The following PRKG1 variants were observed in gnomAD, a reference collection of about 807,000 sequenced individuals.
The protein encoded by PRKG1 is protein kinase cGMP-dependent 1.
PRKG1 carries 35 observed loss-of-function variants against 88.1 expected under a neutral mutation model. The ratio of observed to expected loss-of-function variants is 0.40; its 90% CI spans 0.30 to 0.53. The LOEUF is 0.53. PRKG1 is among the 20% of genes least tolerant of loss of function. The pLI is 0.59. For synonymous variants in PRKG1, 303 were observed against 292.5 expected, an observed-to-expected ratio of 1.04 and a Z score of -0.37; for missense variants, 540 against 839.8, an observed-to-expected ratio of 0.64 and a Z score of 4.41.
chr10:51,561,985 G>T (rs554777375), intron 3 of PRKG1, among the ~76,000 whole-genome samples: 1 of 152,084 alleles, frequency 6.6e-6, no homozygotes, highest in Non-Finnish European at 1.5e-5. Context: ...CACTTTGGGA[G>T]GCCAAGGCAG....
intron 3 of PRKG1, among the ~76,000 whole-genome samples, chr10:51,507,988 T>A (rs1296299274): frequency 2.0e-5 from 3 of 152,176 alleles, no homozygotes; most frequent in Admixed American, 1.3e-4. Flanking sequence ...GAATTGTGAA[T>A]ATACTATTGA....
At chr10:52,245,343 C>T (rs1021082150) in intron 9 of PRKG1, among the ~76,000 whole-genome samples, 22 of 151,974 alleles carry the variant, frequency 1.4e-4, no homozygotes, top group African/African-American at 5.3e-4. Context: ...TTGATTTTTC[C>T]ACTAAATTTA....
intron 3 of PRKG1, among the ~76,000 whole-genome samples, chr10:51,627,611 G>A (rs1347415348): frequency 2.6e-5 from 4 of 152,126 alleles, no homozygotes; most frequent in Non-Finnish European, 4.4e-5. Context: ...GAATCATTAG[G>A]ATATAGCAAT....
At chr10:51,185,663 T>C (rs1564631071) in intron 2 of PRKG1, among the ~76,000 whole-genome samples, 1 of 151,932 alleles carries the variant, frequency 6.6e-6, no homozygotes, top group African/African-American at 2.4e-5. Flanking sequence ...GTTCATGATG[T>C]TCAAATATAT....
At chr10:52,291,892 C>G (rs1842257119) in intron 17 of PRKG1, among the ~76,000 whole-genome samples, 1 of 152,114 alleles carries the variant, frequency 6.6e-6, no homozygotes, top group South Asian at 2.1e-4. Flanking sequence ...GTTCCTATTT[C>G]TCCACATCCT....
At chr10:51,048,918 T>C (rs1412988153) in intron 1 of PRKG1, among the ~76,000 whole-genome samples, 1 of 152,044 alleles carries the variant, frequency 6.6e-6, no homozygotes, top group Non-Finnish European at 1.5e-5. Flanking sequence ...TCAATAACGC[T>C]AAGCTTGGGT....
chr10:51,173,135 A>T (rs1010396856), intron 2 of PRKG1, among the ~76,000 whole-genome samples: 1 of 152,024 alleles, frequency 6.6e-6, no homozygotes, highest in Non-Finnish European at 1.5e-5. Flanking sequence ...CACATCTAGA[A>T]TTATCTTCTT....
chr10:51,944,175 A>C (rs1386602181), intron 5 of PRKG1, among the ~76,000 whole-genome samples: 1 of 151,978 alleles, frequency 6.6e-6, no homozygotes, highest in Non-Finnish European at 1.5e-5. Context: ...TTCCTGGTTT[A>C]GTCTTGGGAG....
intron 4 of PRKG1, among the ~76,000 whole-genome samples, chr10:51,856,080 A>T (rs1416868410): frequency 2.0e-5 from 3 of 152,064 alleles, no homozygotes; most frequent in Non-Finnish European, 4.4e-5. Context: ...CTCTGCTCCC[A>T]TTGTTACATC....
intron 3 of PRKG1, among the ~76,000 whole-genome samples, chr10:51,728,463 T>G (rs1256631371): frequency 2.7e-5 from 4 of 146,170 alleles, no homozygotes; most frequent in Admixed American, 1.4e-4. Flanking sequence ...GTTTTTTTTT[T>G]TTTTTTTTTT....
intron 1 of PRKG1, among the ~76,000 whole-genome samples, chr10:51,067,268 GTGTA>G (rs915778869): frequency 3.9e-5 from 3 of 76,016 alleles, no homozygotes; most frequent in African/African-American, 2.1e-4. Context: ...GTATGTATGT[GTGTA>G]TATATATATA....
chr10:51,373,237 CA>C (rs1444224950), intron 2 of PRKG1, among the ~76,000 whole-genome samples: 1 of 152,112 alleles, frequency 6.6e-6, no homozygotes, highest in African/African-American at 2.4e-5. Flanking sequence ...ACAAACTTAG[CA>C]ACATGAAGCA....
chr10:52,034,214 C>T (rs936187471), intron 5 of PRKG1, among the ~76,000 whole-genome samples: 9 of 151,884 alleles, frequency 5.9e-5, no homozygotes, highest in African/African-American at 2.2e-4. Flanking sequence ...GACATTCCTG[C>T]CTTCTTACAT....
At chr10:51,542,867 A>C (rs1842343170) in intron 3 of PRKG1, among the ~76,000 whole-genome samples, 1 of 152,216 alleles carries the variant, frequency 6.6e-6, no homozygotes, top group Non-Finnish European at 1.5e-5. Context: ...CTATAATAAA[A>C]GATTAGATTA....
chr10:51,999,938 T>C (rs927932140), intron 5 of PRKG1, among the ~76,000 whole-genome samples: 7 of 152,210 alleles, frequency 4.6e-5, no homozygotes, highest in African/African-American at 1.7e-4. Context: ...AAGTTTGGCA[T>C]AGGAAAAATT....
intron 1 of PRKG1, among the ~76,000 whole-genome samples, chr10:51,082,041 T>C (rs1844124958): frequency 6.6e-6 from 1 of 152,180 alleles, no homozygotes; most frequent in African/African-American, 2.4e-5. Context: ...AATACATATG[T>C]AAGCCACCGC....
intron 2 of PRKG1, among the ~76,000 whole-genome samples, chr10:51,438,711 G>T (rs12779326): frequency 6.3e-4 from 96 of 151,964 alleles, no homozygotes; most frequent in Non-Finnish European, 1.3e-3. Context: ...TCAGTACTTA[G>T]TTCTACAGCT....
intron 4 of PRKG1, among the ~76,000 whole-genome samples, chr10:51,905,608 T>G (rs1842070260): frequency 6.6e-6 from 1 of 152,222 alleles, no homozygotes; most frequent in Non-Finnish European, 1.5e-5. Context: ...TTTTGTTTTT[T>G]TTTATTTAAA....
At chr10:51,863,703 C>A (rs558233260) in intron 4 of PRKG1, among the ~76,000 whole-genome samples, 1 of 152,174 alleles carries the variant, frequency 6.6e-6, no homozygotes, top group African/African-American at 2.4e-5. Context: ...AAGGCCCTCA[C>A]TAAATTTGGC....
Sources: gnomAD v4.1 joint callset for allele counts (sites outside exome capture counted in the v4.1 genomes callset) on GRCh38, gnomAD v4.1.1 for gene constraint, MANE v1.5 for transcripts, NCBI Gene and HGNC (gene_info 2026-07-23, HGNC 2026-07-21) for gene names.